LINGO2: variants seen among roughly 807,000 people sequenced by gnomAD.
LINGO2 encodes leucine rich repeat and Ig domain containing 2, also known as leucine-rich repeat and immunoglobulin-like domain-containing nogo receptor-interacting protein 2.
A neutral mutation model predicts 30.6 loss-of-function variants in LINGO2; 14 were observed. The ratio of observed to expected loss-of-function variants is 0.46; its 90% CI spans 0.30 to 0.72. The LOEUF is 0.72. LINGO2 is among the 30% of genes least tolerant of loss of function. The pLI, the probability that LINGO2 is intolerant of heterozygous loss-of-function variation, is 0.07. For missense variants in LINGO2, 729 were observed against 751.7 expected (o/e 0.97, Z 0.35); for synonymous variants, 317 against 288.5 (o/e 1.10, Z -1.00).
intron 1 of LINGO2, among the ~76,000 whole-genome samples, chr9:28,596,886 A>C (rs928698870): frequency 1.2e-4 from 19 of 152,280 alleles, no homozygotes; most frequent in Middle Eastern, 3.4e-3. Flanking sequence ...TGCCTGTCTT[A>C]TCCAGGCACC....
chr9:28,728,947 C>G, the LINGO2 span, among the ~76,000 whole-genome samples: 1 of 152,146 alleles, frequency 6.6e-6, no homozygotes, highest in Non-Finnish European at 1.5e-5. Flanking sequence ...CTCTCAACAT[C>G]TTCCAACTCC....
chr9:28,950,005 T>A, the LINGO2 span, among the ~76,000 whole-genome samples: 1 of 134,410 alleles, frequency 7.4e-6, no homozygotes, highest in Non-Finnish European at 1.6e-5. Flanking sequence ...CAGCAGCACA[T>A]TAAAACTGAA....
chr9:29,100,197 A>G, the LINGO2 span, among the ~76,000 whole-genome samples: 1 of 152,224 alleles, frequency 6.6e-6, no homozygotes, highest in East Asian at 1.9e-4. Context: ...ACTCGTGGAT[A>G]TAGAGAATAG....
At chr9:28,275,009 G>A (rs140013284) in intron 4 of LINGO2, among the ~76,000 whole-genome samples, 109 of 152,146 alleles carry the variant, frequency 7.2e-4, no homozygotes, top group African/African-American at 2.4e-3. Flanking sequence ...CTTCACCTCC[G>A]TCTTAAGTCA....
chr9:28,822,678 C>T, the LINGO2 span, among the ~76,000 whole-genome samples: 4 of 152,254 alleles, frequency 2.6e-5, no homozygotes, highest in South Asian at 6.2e-4. Flanking sequence ...CCTCAAACGT[C>T]AGACTCCAAG....
chr9:28,901,117 C>T, the LINGO2 span, among the ~76,000 whole-genome samples: 2 of 152,078 alleles, frequency 1.3e-5, no homozygotes, highest in East Asian at 1.9e-4. Flanking sequence ...TAGCTAGTAA[C>T]ATATTTCTTA....
the LINGO2 span, among the ~76,000 whole-genome samples, chr9:28,681,334 A>C: frequency 6.6e-6 from 1 of 152,068 alleles, no homozygotes; most frequent in Non-Finnish European, 1.5e-5. Flanking sequence ...AAGGTTCTAA[A>C]GGGCAGCTCT....
chr9:29,172,761 AAAAAT>A, the LINGO2 span, among the ~76,000 whole-genome samples: 1 of 151,932 alleles, frequency 6.6e-6, no homozygotes, highest in South Asian at 2.1e-4. Flanking sequence ...AATCAGAAAA[AAAAAT>A]AAAAGATCCA....
intron 1 of LINGO2, among the ~76,000 whole-genome samples, chr9:28,490,222 T>C (rs1826343694): frequency 6.6e-6 from 1 of 152,088 alleles, no homozygotes; most frequent in Admixed American, 6.6e-5. Flanking sequence ...TACAACCTTG[T>C]GGGAAAGGCA....
At chr9:27,986,409 G>A (rs192443487) in intron 5 of LINGO2, among the ~76,000 whole-genome samples, 43 of 151,974 alleles carry the variant, frequency 2.8e-4, no homozygotes, top group African/African-American at 3.4e-4. Context: ...GTGGGGCAAC[G>A]GGAGGTAAGC....
intron 2 of LINGO2, among the ~76,000 whole-genome samples, chr9:28,433,591 C>T (rs1258301296): frequency 3.3e-5 from 5 of 152,008 alleles, no homozygotes; most frequent in African/African-American, 7.2e-5. Flanking sequence ...TATCACTGCA[C>T]TCCAGCGAGA....
At chr9:28,356,702 C>T (rs1820223007) in intron 3 of LINGO2, among the ~76,000 whole-genome samples, 2 of 152,090 alleles carry the variant, frequency 1.3e-5, no homozygotes, top group African/African-American at 4.8e-5. Flanking sequence ...TGATAATCAC[C>T]TGGTCTCTGC....
intron 2 of LINGO2, among the ~76,000 whole-genome samples, chr9:28,409,231 C>T (rs10812811): frequency 0.083 from 12,585 of 152,064 alleles, 725 homozygotes; most frequent in East Asian, 0.24. Flanking sequence ...TTTCTGTGAT[C>T]CCGCTACAGG....
At chr9:28,354,569 C>G (rs1463495021) in intron 3 of LINGO2, among the ~76,000 whole-genome samples, 2 of 152,118 alleles carry the variant, frequency 1.3e-5, no homozygotes, top group Admixed American at 6.6e-5. Context: ...AATTCATGCT[C>G]AAGAAACATG....
the LINGO2 span, among the ~76,000 whole-genome samples, chr9:29,008,261 CT>C: frequency 6.6e-6 from 1 of 152,092 alleles, no homozygotes; most frequent in Non-Finnish European, 1.5e-5. Flanking sequence ...GGAACTCATC[CT>C]TTTTTATGGC....
At chr9:29,115,364 T>C in the LINGO2 span, among the ~76,000 whole-genome samples, 4 of 152,080 alleles carry the variant, frequency 2.6e-5, no homozygotes, top group African/African-American at 9.7e-5. Flanking sequence ...CTTCCTACAT[T>C]TTTTGAGGCA....
chr9:28,124,423 G>A (rs959890293), intron 4 of LINGO2, among the ~76,000 whole-genome samples: 4 of 152,152 alleles, frequency 2.6e-5, no homozygotes, highest in Non-Finnish European at 5.9e-5. Flanking sequence ...TCAAACAGGT[G>A]AAAAGAAAGG....
At chr9:28,646,162 C>T (rs190030046) in intron 1 of LINGO2, among the ~76,000 whole-genome samples, 5 of 152,054 alleles carry the variant, frequency 3.3e-5, no homozygotes, top group East Asian at 3.9e-4. Flanking sequence ...CATGAAATCT[C>T]GGGGAAGTGC....
the LINGO2 span, among the ~76,000 whole-genome samples, chr9:29,046,907 C>T: frequency 1.3e-5 from 1 of 78,024 alleles, no homozygotes; most frequent in Admixed American, 1.3e-4. Flanking sequence ...GGTGAAACCC[C>T]ATCTCTACTA....
Sources: gnomAD v4.1 joint callset for allele counts (sites outside exome capture counted in the v4.1 genomes callset) on GRCh38, gnomAD v4.1.1 for gene constraint, MANE v1.5 for transcripts, NCBI Gene and HGNC (gene_info 2026-07-23, HGNC 2026-07-21) for gene names.